The following SLC6A2 variants were observed in gnomAD, a reference collection of about 807,000 sequenced individuals.
SLC6A2 encodes sodium-dependent noradrenaline transporter.
In SLC6A2, 26 loss-of-function variants were observed where a neutral mutation model predicts 71.7. That is an observed-to-expected ratio of 0.36 (90% CI 0.27 to 0.50). SLC6A2 has a LOEUF of 0.50. Among genes scored for constraint, SLC6A2 ranks in the 20% least tolerant of loss-of-function variants. The probability of loss-of-function intolerance (pLI) is 0.96; values close to 1 mark genes in which losing one functional copy is unlikely to be tolerated. For missense variants in SLC6A2, 581 were observed against 803.9 expected (o/e 0.72, Z 3.35); for synonymous variants, 363 against 337.9 (o/e 1.07, Z -0.82).
Position 55,656,398 on chromosome 16 carries a change from G to C in SLC6A2, c.-52+229G>C, listed in dbSNP as rs941828023. 2.0e-6 allele frequency: 1 copy of C among 506,270 alleles called. No homozygotes were observed. The highest frequency in any genetic ancestry group is 2.1e-5 in the South Asian group (1 of 47,440). The allele number at this position is 506,270 out of a possible 1,614,324, so 31.4% of individuals were successfully genotyped here. On this transcript the variant is annotated intron_variant, in intron 1 of 14. Transcript: ENST00000568943. This position sits in a 1 kb window ranked among gnomAD's most constrained non-coding sequence, Gnocchi z 4.5. ...TTGGGGCAGGCGAGAGTGGGTGAACGAGGAAAAGTGCTGCAGGGTCTTCAG... is the reference window on the plus strand; with the variant it reads ...TTGGGGCAGGCGAGAGTGGGTGAACCAGGAAAAGTGCTGCAGGGTCTTCAG...
chr16:55,671,947 A>G lies in SLC6A2; in HGVS notation c.416A>G (p.Tyr139Cys). 1.2e-6 allele frequency: 2 copies of G among 1,614,122 alleles called. No homozygotes were observed. The highest frequency in any genetic ancestry group is 1.7e-6 in the Non-Finnish European group (2 of 1,180,008). Reference protein sequence around the residue: ...KICPFFKGVGYAVILIALYVG... With the variant: ...KICPFFKGVGCAVILIALYVG... ...CCCTGTCCCTGCCCAGGCGTTGGCT[A>G]TGCTGTCATCCTGATCGCCCTGTAC... Residue 139 changes from tyrosine to cysteine, a missense_variant, in exon 4 of 15, where the codon TAT (tyrosine) becomes TGT (cysteine). By Grantham distance (194) the Tyr-to-Cys change is radical (BLOSUM62 -2). This residue lies in a region of SLC6A2 where 81 missense variants were observed against 152.4 expected (regional missense o/e 0.53). Transcript: ENST00000568943.
chr16:55,702,990 T>G lies in SLC6A2; in HGVS notation c.*644T>G, dbSNP rs866053750. The G allele has an allele frequency of 5.1e-6, 5 of 987,998 alleles. No individual in the cohort carries two copies. Among genetic ancestry groups the G allele is most frequent in the African/African-American group, 1.7e-5 (1 of 57,260 alleles). 61.2% of individuals were successfully genotyped at this position (987,998 alleles called of 1,614,324 possible). A position where few individuals can be genotyped will look rare whatever the true frequency, so the allele number is the denominator to read the frequency against. On this transcript the variant is annotated 3_prime_UTR_variant, in exon 15 of 15. Coordinates refer to ENST00000568943, the MANE Select transcript of SLC6A2 (RefSeq NM_001172501.3). ...TTCACTCTGGCCAATCTGAGTTTGA[T>G]GTGTGTGTTCTGGAACATTCCTCCA...
intron 2 of SLC6A2, among the ~76,000 whole-genome samples, chr16:55,668,017 G>C (rs1964802022): frequency 6.6e-6 from 1 of 152,202 alleles, no homozygotes. Flanking sequence ...GTGTAAGTGG[G>C]ATCAAGCCCA....
rs1430421596 is a variant in SLC6A2 at position 55,663,418 on chromosome 16, T to A, written c.275-6147T>A. ...CCTGATCCCCTTTCCTTTTCTGCCA[T>A]GAGTGGAAGCAGCCAGAGGCCCCCA... is the stretch of plus-strand genomic sequence containing the variant. On this transcript the variant is annotated intron_variant, in intron 2 of 14. Coordinates refer to ENST00000568943, the MANE Select transcript of SLC6A2 (RefSeq NM_001172501.3). Among the ~76,000 whole-genome samples the A allele has an allele frequency of 4.6e-5, 7 of 152,294 alleles. No individual in the cohort carries two copies. In the East Asian group the frequency reaches 1.3e-3, roughly 29 times the overall value.
At chr16:55,677,649 T>A (rs987935968) in intron 4 of SLC6A2, among the ~76,000 whole-genome samples, 3 of 144,904 alleles carry the variant, frequency 2.1e-5, no homozygotes, top group African/African-American at 5.1e-5. Flanking sequence ...CAGGTAGAAC[T>A]GAATGCAGAG....
At chr16:55,679,532 C>T (rs190411080) in intron 4 of SLC6A2, among the ~76,000 whole-genome samples, 6 of 152,310 alleles carry the variant, frequency 3.9e-5, no homozygotes, top group African/African-American at 1.4e-4. Flanking sequence ...CAGCCTGGTC[C>T]TCTGTCTTTT....
chr16:55,683,247 T>C (rs1965335163), intron 4 of SLC6A2, among the ~76,000 whole-genome samples: 1 of 152,196 alleles, frequency 6.6e-6, no homozygotes, highest in Non-Finnish European at 1.5e-5. Flanking sequence ...CTCTTTATCA[T>C]TTCTTCATTG....
At chr16:55,678,062 A>G (rs921004442) in intron 4 of SLC6A2, among the ~76,000 whole-genome samples, 1 of 152,108 alleles carries the variant, frequency 6.6e-6, no homozygotes, top group Non-Finnish European at 1.5e-5. Context: ...CATTGCTACC[A>G]TCAGCCAAGC....
chr16:55,678,641 G>T (rs1484976014), intron 4 of SLC6A2, among the ~76,000 whole-genome samples: 1 of 152,126 alleles, frequency 6.6e-6, no homozygotes, highest in Non-Finnish European at 1.5e-5. Flanking sequence ...CATGTGCCTG[G>T]CAATAGAAAA....
At chr16:55,687,317 G>T (rs1327690483) in intron 5 of SLC6A2, among the ~76,000 whole-genome samples, 1 of 150,672 alleles carries the variant, frequency 6.6e-6, no homozygotes, top group Non-Finnish European at 1.5e-5. Flanking sequence ...TGTGTAGTTT[G>T]TCTTGATATT....
chr16:55,671,847 A>G, intron 3 of SLC6A2, 91 bp from the exon 4 acceptor site: 1 of 1,590,670 alleles, frequency 6.3e-7, no homozygotes, highest in Non-Finnish European at 8.6e-7. Context: ...GACAGAGGGA[A>G]TGGGAGTGCA....
rs761516316 is a variant in SLC6A2 at position 55,685,204 on chromosome 16, C to T, written c.706C>T (p.Gln236Ter). 4 of 1,614,082 alleles carry T rather than the reference C, an allele frequency of 2.5e-6. No individual in the cohort carries two copies. The highest frequency in any genetic ancestry group is 3.4e-6 in the Non-Finnish European group (4 of 1,179,910). Residue 236 changes from glutamine (Q) to a stop codon, truncating the protein, a stop_gained, in exon 5 of 15, where the codon CAG becomes TAG. Coordinates refer to ENST00000568943, the MANE Select transcript of SLC6A2 (RefSeq NM_001172501.3). LOFTEE classifies it high-confidence loss of function. ...GIHDIGLPQW[Q>*]LLLCLMVVVI... ...TCATGACATCGGCCTGCCCCAGTGG[C>T]AGCTCTTGCTCTGTCTGATGGTCGT...
chr16:55,671,764 G>GA (rs1323962858), intron 3 of SLC6A2, 174 bp from the exon 4 acceptor site: 27 of 1,401,332 alleles, frequency 1.9e-5, no homozygotes. Flanking sequence ...AAAATCTGTG[G>GA]AAAAATTGTC....
At chr16:55,692,886 A>G (rs1009502130) in intron 6 of SLC6A2, among the ~76,000 whole-genome samples, 1 of 152,258 alleles carries the variant, frequency 6.6e-6, no homozygotes, top group Non-Finnish European at 1.5e-5. Context: ...ACCTATTTTC[A>G]TAGTAACAGC....
At chr16:55,699,831 A>G (rs1327126133) in intron 12 of SLC6A2, among the ~76,000 whole-genome samples, 177 bp downstream of exon 12, 2 of 151,902 alleles carry the variant, frequency 1.3e-5, no homozygotes, top group Non-Finnish European at 2.9e-5. Context: ...CATCCACCTT[A>G]CTAGGGGGTT....
chr16:55,695,481 C>G, intron 8 of SLC6A2, 79 bp downstream of exon 8: 1 of 1,505,428 alleles, frequency 6.6e-7, no homozygotes, highest in East Asian at 2.3e-5. Context: ...CTGCATGGCT[C>G]TTCCGTGGCT....
intron 2 of SLC6A2, among the ~76,000 whole-genome samples, chr16:55,665,142 C>G (rs148733338): frequency 6.6e-4 from 100 of 152,324 alleles, no homozygotes; most frequent in African/African-American, 2.4e-3. Flanking sequence ...TCCCCTGTAC[C>G]TCCACATTCC....
At position 55,700,316 on chromosome 16, in the gene SLC6A2, G is replaced by T. The variant is rs888030000; in HGVS notation, c.1758+10G>T. The T allele has an allele frequency of 6.2e-7, 1 of 1,610,892 alleles. No homozygotes were observed. The highest frequency in any genetic ancestry group is 8.5e-7 in the Non-Finnish European group (1 of 1,177,562). Reference sequence around the variant, plus strand: ...GGGCTCTCTTTGGGAGGTGAGCTCTGGTCCTCCCCAGGGGAACAGGGTGGG... The same window carrying T: ...GGGCTCTCTTTGGGAGGTGAGCTCTTGTCCTCCCCAGGGGAACAGGGTGGG... On this transcript the variant is annotated intron_variant, in intron 13 of 14. Coordinates refer to ENST00000568943, the MANE Select transcript of SLC6A2 (RefSeq NM_001172501.3).
At chr16:55,691,233 GAGAGAGAGAGAGA>G (rs1567451216) in intron 5 of SLC6A2, among the ~76,000 whole-genome samples, 314 of 3,560 alleles carry the variant, frequency 0.088, 9 homozygotes, top group African/African-American at 0.11. Flanking sequence ...GAGAGGGGGA[GAGAGAGAGAGAGA>G]GAGAGAGAGA....
Sources: allele counts gnomAD v4.1 joint callset (sites outside exome capture counted in the v4.1 genomes callset), GRCh38; gene constraint gnomAD v4.1.1; regional missense constraint gnomAD v4.1.1; non-coding constraint Gnocchi (gnomAD v3.1); transcripts MANE v1.5; gene names NCBI Gene and HGNC (gene_info 2026-07-23, HGNC 2026-07-21).